The following SGCD variants were observed in gnomAD, a reference collection of about 807,000 sequenced individuals.
SGCD encodes the protein delta-sarcoglycan.
Under a neutral mutation model 36.6 loss-of-function variants are expected in SGCD, and 18 were observed. The observed-to-expected ratio is 0.49, with a 90% CI of 0.34 to 0.73. The LOEUF (loss-of-function observed/expected upper bound fraction) is 0.73, where lower values mean the gene tolerates loss of function less well. Ranked by LOEUF, SGCD falls within the 30% of genes least tolerant of loss-of-function variation. The pLI, the probability that SGCD is intolerant of heterozygous loss-of-function variation, is 0.01. For synonymous variants in SGCD, 133 were observed against 130.6 expected (o/e 1.02, Z -0.12); for missense variants, 387 against 346.7 (o/e 1.12, Z -0.92).
rs576237454 is a variant in SGCD at position 156,521,569 on chromosome 5, G to T, written c.294+12867G>T. ...AACAGACAGTTCTCAAAAGAAGGATGCATGTCGCCAACAAATGTATAAAAA... is the reference window on the plus strand; with the variant it reads ...AACAGACAGTTCTCAAAAGAAGGATTCATGTCGCCAACAAATGTATAAAAA... On this transcript the variant is annotated intron_variant, in intron 4 of 8. Transcript: ENST00000337851. Among the ~76,000 whole-genome samples, 6 of 152,272 alleles carry T rather than the reference G, an allele frequency of 3.9e-5. No homozygotes were observed. In the South Asian group the frequency reaches 1.2e-3, roughly 32 times the overall value.
intron 1 of SGCD, among the ~76,000 whole-genome samples, chr5:156,096,924 G>T (rs1761390518): frequency 6.6e-6 from 1 of 152,072 alleles, no homozygotes; most frequent in African/African-American, 2.4e-5. Flanking sequence ...CTTCATCTGA[G>T]AATATTTTTA....
intron 1 of SGCD, among the ~76,000 whole-genome samples, chr5:156,076,110 C>T (rs546564751): frequency 1.8e-4 from 27 of 151,772 alleles, no homozygotes; most frequent in Non-Finnish European, 3.2e-4. Context: ...ATCTCGCGGT[C>T]GCCATACTGA....
At chr5:155,902,576 C>T (rs1756414109) in intron 1 of SGCD, among the ~76,000 whole-genome samples, 1 of 152,120 alleles carries the variant, frequency 6.6e-6, no homozygotes, top group Admixed American at 6.6e-5. Flanking sequence ...CAAACCAGGT[C>T]AGGAACCCCA....
At chr5:156,745,313 G>T (rs887558334) in intron 7 of SGCD, among the ~76,000 whole-genome samples, 1 of 152,134 alleles carries the variant, frequency 6.6e-6, no homozygotes, top group African/African-American at 2.4e-5. Flanking sequence ...TCTACCACTT[G>T]ATAACTTCAA....
chr5:155,747,001 G>A, the SGCD span, among the ~76,000 whole-genome samples: 4 of 152,072 alleles, frequency 2.6e-5, no homozygotes, highest in South Asian at 2.1e-4. Context: ...AATGTTTTGG[G>A]TGGTCTCTGG....
chr5:156,196,044 G>A (rs1345203588), intron 3 of SGCD, among the ~76,000 whole-genome samples: 1 of 152,098 alleles, frequency 6.6e-6, no homozygotes, highest in Non-Finnish European at 1.5e-5. Flanking sequence ...CTTTTCTAAA[G>A]TCTAGATCCC....
intron 1 of SGCD, among the ~76,000 whole-genome samples, chr5:155,969,449 A>G (rs1757965964): frequency 6.6e-6 from 1 of 152,106 alleles, no homozygotes; most frequent in Non-Finnish European, 1.5e-5. Context: ...ATAAATAAAT[A>G]AAAGAATTCA....
chr5:155,869,770 G>A (rs1755596114), upstream of SGCD, among the ~76,000 whole-genome samples: 1 of 152,132 alleles, frequency 6.6e-6, no homozygotes, highest in Non-Finnish European at 1.5e-5. Flanking sequence ...AGAGGCCAAG[G>A]TGGGCGGATC....
At chr5:155,966,257 C>T (rs993937222) in intron 1 of SGCD, among the ~76,000 whole-genome samples, 2 of 152,114 alleles carry the variant, frequency 1.3e-5, no homozygotes, top group Admixed American at 6.6e-5. Context: ...TCAACATATA[C>T]TCCAGTCTCA....
intron 3 of SGCD, among the ~76,000 whole-genome samples, chr5:156,366,299 AG>A (rs1770104599): frequency 2.0e-5 from 3 of 152,238 alleles, no homozygotes; most frequent in African/African-American, 7.2e-5. Flanking sequence ...ATCAGAAGAA[AG>A]GTTTAGAAAA....
chr5:156,268,195 A>G (rs763417428), intron 3 of SGCD, among the ~76,000 whole-genome samples: 6 of 152,158 alleles, frequency 3.9e-5, no homozygotes, highest in Non-Finnish European at 7.4e-5. Context: ...ATAGTATTCT[A>G]TGGTGTATAT....
At chr5:155,805,271 A>G in the SGCD span, among the ~76,000 whole-genome samples, 1 of 152,312 alleles carries the variant, frequency 6.6e-6, no homozygotes, top group Admixed American at 6.5e-5. Context: ...TGTTATAAGC[A>G]TGGTTTGAAA....
the SGCD span, among the ~76,000 whole-genome samples, chr5:155,844,605 A>C: frequency 8.5e-5 from 13 of 152,236 alleles, no homozygotes; most frequent in Non-Finnish European, 1.3e-4. Flanking sequence ...TGACCTTTAC[A>C]TCAAGTGTTT....
At chr5:156,580,746 C>T (rs987964266) in intron 4 of SGCD, among the ~76,000 whole-genome samples, 4 of 152,126 alleles carry the variant, frequency 2.6e-5, no homozygotes, top group Admixed American at 6.5e-5. Context: ...GTTTTCAGCT[C>T]CATCAGGTCA....
chr5:156,619,073 T>G (rs1561818792), intron 6 of SGCD, among the ~76,000 whole-genome samples: 1 of 151,394 alleles, frequency 6.6e-6, no homozygotes, highest in Non-Finnish European at 1.5e-5. Flanking sequence ...TTGCCCAGGC[T>G]GGAGTGCAGT....
At chr5:156,286,788 C>T (rs1318677808) in intron 3 of SGCD, among the ~76,000 whole-genome samples, 4 of 151,454 alleles carry the variant, frequency 2.6e-5, no homozygotes, top group Admixed American at 1.3e-4. Context: ...CAAACCTGCA[C>T]GTTGTGCACA....
intron 3 of SGCD, among the ~76,000 whole-genome samples, chr5:156,389,072 G>A (rs1487331121): frequency 6.6e-6 from 1 of 152,184 alleles, no homozygotes; most frequent in Non-Finnish European, 1.5e-5. Context: ...TCCCACAAAT[G>A]TATACATGCT....
intron 4 of SGCD, among the ~76,000 whole-genome samples, chr5:156,538,662 T>C (rs919825647): frequency 1.3e-5 from 2 of 152,158 alleles, no homozygotes; most frequent in African/African-American, 4.8e-5. Context: ...TTTCTGCTTA[T>C]CTAGGATTGT....
intron 2 of SGCD, among the ~76,000 whole-genome samples, chr5:156,333,987 G>A (rs1249603362): frequency 1.3e-5 from 2 of 151,508 alleles, no homozygotes; most frequent in East Asian, 1.9e-4. Context: ...ACTCTGTGAC[G>A]TTGATTAAGT....
Sources: allele counts gnomAD v4.1 joint callset (sites outside exome capture counted in the v4.1 genomes callset), GRCh38; gene constraint gnomAD v4.1.1; transcripts MANE v1.5; gene names NCBI Gene and HGNC (gene_info 2026-07-23, HGNC 2026-07-21).